PDK1: variants seen among roughly 807,000 people sequenced by gnomAD.
PDK1 encodes pyruvate dehydrogenase kinase 1.
Under a neutral mutation model 54.2 loss-of-function variants are expected in PDK1, and 39 were observed. The observed-to-expected ratio is 0.72, with a 90% CI of 0.56 to 0.94. The LOEUF is 0.94. Ranked by LOEUF, PDK1 falls within the 40% of genes least tolerant of loss-of-function variation. The pLI is 0.00. For synonymous variants in PDK1, 221 were observed against 207.1 expected (o/e 1.07, Z -0.58); for missense variants, 552 against 566.0 (o/e 0.98, Z 0.25).
chr2:172,587,883 C>T (rs553867236), intron 9 of PDK1, among the ~76,000 whole-genome samples: 1 of 152,236 alleles, frequency 6.6e-6, no homozygotes, highest in South Asian at 2.1e-4. Context: ...CAAGTCCCCA[C>T]CCGATTAGCT....
At chr2:172,723,447 G>A in the PDK1 span, 1 of 152,224 alleles carries the variant, frequency 6.6e-6, no homozygotes, top group East Asian at 1.9e-4. Flanking sequence ...GGAGAAGTTA[G>A]CCAAGAAGTT....
the PDK1 span, among the ~76,000 whole-genome samples, chr2:172,680,459 C>T: frequency 1.2e-4 from 18 of 152,226 alleles, no homozygotes; most frequent in Admixed American, 1.3e-4. Flanking sequence ...TCAAGTGATC[C>T]TCCCACCTCA....
chr2:172,621,055 G>A, the PDK1 span, among the ~76,000 whole-genome samples: 8 of 152,288 alleles, frequency 5.3e-5, no homozygotes, highest in South Asian at 1.2e-3. Flanking sequence ...CAAGGCAGAC[G>A]GATCACTTGA....
intron 8 of PDK1, among the ~76,000 whole-genome samples, chr2:172,576,719 TC>T (rs1410211515): frequency 2.0e-5 from 3 of 152,226 alleles, no homozygotes; most frequent in African/African-American, 7.2e-5. Context: ...TTTGGATTTT[TC>T]CCATTGGTTA....
chr2:172,636,720 CAA>C, the PDK1 span, among the ~76,000 whole-genome samples: 265 of 126,858 alleles, frequency 2.1e-3, no homozygotes, highest in Admixed American at 2.6e-3. Context: ...GACTCCATCT[CAA>C]AAAAAAAAAA....
the PDK1 span, among the ~76,000 whole-genome samples, chr2:172,639,863 C>T: frequency 1.3e-5 from 2 of 152,198 alleles, no homozygotes; most frequent in Non-Finnish European, 2.9e-5. Flanking sequence ...CATCACACTT[C>T]TGCCCTAAGG....
the PDK1 span, among the ~76,000 whole-genome samples, chr2:172,652,899 G>A: frequency 7.9e-5 from 12 of 152,134 alleles, no homozygotes; most frequent in African/African-American, 2.9e-4. Flanking sequence ...TACTGCCCAA[G>A]GTAATTTATA....
rs957133697 is a variant in PDK1 at position 172,603,338 on chromosome 2, C to A, written c.*7369C>A. 1 of 152,152 alleles carries A rather than the reference C, an allele frequency of 6.6e-6. No homozygotes were observed. Among genetic ancestry groups the A allele is most frequent in the African/African-American group, 2.4e-5 (1 of 41,440 alleles). 9.4% of individuals were successfully genotyped at this position (152,152 alleles called of 1,614,324 possible). On this transcript the variant is annotated 3_prime_UTR_variant, in exon 11 of 11. Coordinates refer to ENST00000282077, the MANE Select transcript of PDK1 (RefSeq NM_002610.5). Reference sequence around the variant, plus strand: ...GGGTACTTGGTGGATGTGTCCATGACCTCGAGATCGAAAACCCATTAGTTA... The same window carrying A: ...GGGTACTTGGTGGATGTGTCCATGAACTCGAGATCGAAAACCCATTAGTTA...
downstream of PDK1, among the ~76,000 whole-genome samples, chr2:172,610,278 A>G (rs1205557496): frequency 6.6e-6 from 1 of 152,122 alleles, no homozygotes; most frequent in African/African-American, 2.4e-5. Context: ...TACTGCATGA[A>G]TCATCCCTCT....
At chr2:172,715,026 T>C in the PDK1 span, among the ~76,000 whole-genome samples, 1 of 152,252 alleles carries the variant, frequency 6.6e-6, no homozygotes, top group Non-Finnish European at 1.5e-5. Context: ...TCTGAATAAA[T>C]GTACAAGAAA....
chr2:172,660,476 C>T, the PDK1 span, among the ~76,000 whole-genome samples: 13 of 151,690 alleles, frequency 8.6e-5, no homozygotes, highest in South Asian at 1.0e-3. Flanking sequence ...AGGCTGGTCT[C>T]GCACTCCTGA....
the PDK1 span, among the ~76,000 whole-genome samples, chr2:172,705,685 A>G: frequency 6.6e-6 from 1 of 152,376 alleles, no homozygotes; most frequent in East Asian, 1.9e-4. Context: ...TTAATAAGAA[A>G]TATTGAATGA....
At chr2:172,562,876 G>A in intron 3 of PDK1, 1 of 1,353,898 alleles carries the variant, frequency 7.4e-7, no homozygotes, top group Non-Finnish European at 1.0e-6. Context: ...GCAGCTACCT[G>A]CTTATTGCAG....
At chr2:172,704,194 G>C in the PDK1 span, among the ~76,000 whole-genome samples, 2 of 152,102 alleles carry the variant, frequency 1.3e-5, no homozygotes, top group Non-Finnish European at 2.9e-5. Flanking sequence ...GCTTGACATG[G>C]CTTTAGAGAA....
the PDK1 span, among the ~76,000 whole-genome samples, chr2:172,705,956 T>G: frequency 3.9e-5 from 6 of 152,208 alleles, no homozygotes; most frequent in Non-Finnish European, 2.9e-5. Flanking sequence ...GGCTGTAGAT[T>G]CTCATGCAGT....
At chr2:172,646,797 G>T in the PDK1 span, among the ~76,000 whole-genome samples, 2 of 140,086 alleles carry the variant, frequency 1.4e-5, no homozygotes, top group African/African-American at 5.4e-5. Flanking sequence ...GAGTGCAATG[G>T]CACGATCTCA....
At chr2:172,720,840 A>G in the PDK1 span, among the ~76,000 whole-genome samples, 3 of 152,114 alleles carry the variant, frequency 2.0e-5, no homozygotes, top group Non-Finnish European at 4.4e-5. Context: ...TTGAGAAAGC[A>G]TCTAAGGAGG....
At chr2:172,572,555 T>C (rs912132044) in intron 8 of PDK1, among the ~76,000 whole-genome samples, 1 of 151,970 alleles carries the variant, frequency 6.6e-6, no homozygotes, top group African/African-American at 2.4e-5. Context: ...TGAAACCCCA[T>C]CTCTACAAAA....
In PDK1 at chr2:172,603,023, G is replaced by A. The variant is rs1278502003; in HGVS notation, c.*7054G>A. On this transcript the variant is annotated 3_prime_UTR_variant, in exon 11 of 11. Coordinates refer to ENST00000282077, the MANE Select transcript of PDK1 (RefSeq NM_002610.5). The stretch of plus-strand genomic sequence containing the variant: ...TTAAATCTTTGTAAGCAATGCTCCT[G>A]ATGCGAATCACCTGGAGATCTTGAG... The A allele has an allele frequency of 1.6e-4, 25 of 152,200 alleles. No homozygotes were observed. Among genetic ancestry groups the A allele is most frequent in the Admixed American group, 1.6e-3 (25 of 15,282 alleles). The allele number at this position is 152,200 out of a possible 1,614,324, so 9.4% of individuals were successfully genotyped here.
Sources: gnomAD v4.1 joint callset for allele counts (sites outside exome capture counted in the v4.1 genomes callset) on GRCh38, gnomAD v4.1.1 for gene constraint, MANE v1.5 for transcripts, NCBI Gene and HGNC (gene_info 2026-07-23, HGNC 2026-07-21) for gene names.